The following UTRN variants were observed in gnomAD, a reference collection of about 807,000 sequenced individuals.
UTRN encodes the protein dystrophin-related protein 1.
Under a neutral mutation model 463.9 loss-of-function variants are expected in UTRN, and 283 were observed. The observed-to-expected ratio is 0.61, with a 90% CI of 0.55 to 0.67. The LOEUF is 0.67. Among genes scored for constraint, UTRN ranks in the 30% least tolerant of loss-of-function variants. UTRN has a pLI of 0.00. For missense variants in UTRN, 3,922 were observed against 4,084.3 expected, an observed-to-expected ratio of 0.96 and a Z score of 1.08; for synonymous variants, 1,442 against 1,431.5, an observed-to-expected ratio of 1.01 and a Z score of -0.17.
chr6:144,336,023 C>T (rs947124665), intron 2 of UTRN, among the ~76,000 whole-genome samples: 6 of 152,050 alleles, frequency 3.9e-5, no homozygotes, highest in Non-Finnish European at 7.4e-5. Flanking sequence ...TGTGTGGTAC[C>T]AGCTGCGGCA....
intron 2 of UTRN, among the ~76,000 whole-genome samples, chr6:144,333,692 A>T (rs1456753921): frequency 6.6e-6 from 1 of 152,032 alleles, no homozygotes; most frequent in East Asian, 1.9e-4. Context: ...CCAGGGGTGG[A>T]CGGTTTGCAT....
At chr6:144,690,422 C>A (rs1175058362) in intron 52 of UTRN, among the ~76,000 whole-genome samples, 4 of 152,034 alleles carry the variant, frequency 2.6e-5, no homozygotes, top group Non-Finnish European at 5.9e-5. Context: ...TAGCAAAGTT[C>A]CAGCCAGTCT....
chr6:144,499,229 A>G, intron 33 of UTRN, 28 bp from the exon 34 acceptor site: 2 of 1,596,314 alleles, frequency 1.3e-6, no homozygotes, highest in East Asian at 4.5e-5. Context: ...TCTCAGTCTC[A>G]GTCTCTCCCT....
At chr6:144,508,481 G>A (rs1265638644) in intron 34 of UTRN, among the ~76,000 whole-genome samples, 1 of 152,142 alleles carries the variant, frequency 6.6e-6, no homozygotes, top group Non-Finnish European at 1.5e-5. Context: ...AGTCCCTCAT[G>A]GCTTCCCTTG....
chr6:144,291,798 A>G lies in UTRN; in HGVS notation c.-31A>G. On this transcript the variant is annotated 5_prime_UTR_variant, in exon 2 of 75. Transcript: ENST00000367545. Reference sequence around the variant, plus strand: ...AAGCCTTAGAAAGAGGACTTGGTAAAGTTTTTGGATTATCTTGAAACTCTG... The same window carrying G: ...AAGCCTTAGAAAGAGGACTTGGTAAGGTTTTTGGATTATCTTGAAACTCTG... 2.5e-6 allele frequency: 4 copies of G among 1,603,084 alleles called. No individual in the cohort carries two copies. Among genetic ancestry groups the G allele is most frequent in the Non-Finnish European group, 3.4e-6 (4 of 1,175,698 alleles).
At chr6:144,450,213 G>A (rs1463361791) in intron 17 of UTRN, among the ~76,000 whole-genome samples, 1 of 152,138 alleles carries the variant, frequency 6.6e-6, no homozygotes, top group Admixed American at 6.5e-5. Context: ...AATCATGTCA[G>A]TTCCATGCAT....
In UTRN at chr6:144,797,868, G is replaced by C. The variant is rs1160039916; in HGVS notation, c.9123G>C (p.Trp3041Cys). 6.2e-7 allele frequency: 1 copy of C among 1,613,974 alleles called. No homozygotes were observed. The highest frequency in any genetic ancestry group is 1.7e-5 in the Admixed American group (1 of 60,006). Residue 3041 changes from tryptophan (W) to cysteine (C), a missense_variant, in exon 64 of 75, where the codon TGG (tryptophan) becomes TGC (cysteine). Physicochemically the swap from Trp to Cys is radical, Grantham distance 215. Transcript: ENST00000367545. ...TAAGTGTGAAAGAGTTTATAGATTG[G>C]ATGCATTTGGAACCACAGTCCATGG... ...PEISVKEFID[W>C]MHLEPQSMVW...
intron 2 of UTRN, among the ~76,000 whole-genome samples, chr6:144,333,589 G>A (rs1584318403): frequency 1.3e-5 from 2 of 152,336 alleles, no homozygotes; most frequent in African/African-American, 4.8e-5. Context: ...TTGCTTAAAT[G>A]ATTGTGATTG....
chr6:144,578,115 A>T (rs1801618033), intron 51 of UTRN, among the ~76,000 whole-genome samples: 1 of 152,078 alleles, frequency 6.6e-6, no homozygotes, highest in South Asian at 2.1e-4. Flanking sequence ...AAGCATGAGA[A>T]TTACTTGAAC....
At position 144,851,321 on chromosome 6, in the gene UTRN, CT is replaced by C. The variant is rs1782468065; in HGVS notation, c.*327del. The C allele has an allele frequency of 6.8e-6, 2 of 294,086 alleles. No individual in the cohort carries two copies. Among genetic ancestry groups the C allele is most frequent in the Non-Finnish European group, 1.3e-5 (2 of 157,690 alleles). The allele number at this position is 294,086 out of a possible 1,614,324, so 18.2% of individuals were successfully genotyped here. ...ACAGCATTGGGAAAGTGGGTGGGGG[CT>C]TTCTAATATGATACCGTCTTTTTAA... is the stretch of plus-strand genomic sequence containing the variant. On this transcript the variant is annotated 3_prime_UTR_variant, in exon 75 of 75. Transcript: ENST00000367545.
chr6:144,601,163 C>T (rs149889371), intron 51 of UTRN, among the ~76,000 whole-genome samples: 2 of 152,266 alleles, frequency 1.3e-5, no homozygotes, highest in Non-Finnish European at 2.9e-5. Context: ...ATTTTCATGC[C>T]TACTAACTCA....
chr6:144,538,953 A>G (rs1186304771), intron 44 of UTRN, among the ~76,000 whole-genome samples: 1 of 152,182 alleles, frequency 6.6e-6, no homozygotes, highest in African/African-American at 2.4e-5. Context: ...GGAGAGTTAG[A>G]AAAGGTGGAA....
At chr6:144,610,328 G>T (rs1805359214) in intron 51 of UTRN, among the ~76,000 whole-genome samples, 1 of 151,968 alleles carries the variant, frequency 6.6e-6, no homozygotes, top group Admixed American at 6.6e-5. Context: ...TAGAAGAAAT[G>T]AATAAATTTC....
chr6:144,760,613 A>G (rs2128727481), intron 58 of UTRN, among the ~76,000 whole-genome samples: 4 of 152,328 alleles, frequency 2.6e-5, no homozygotes, highest in Admixed American at 2.6e-4. Flanking sequence ...AAAAGCCAGT[A>G]TTTATGTGTG....
chr6:144,638,282 C>T (rs1398430179), intron 51 of UTRN, among the ~76,000 whole-genome samples: 1 of 152,190 alleles, frequency 6.6e-6, no homozygotes, highest in Non-Finnish European at 1.5e-5. Flanking sequence ...AAGATAAGCT[C>T]TTGAGCATCT....
chr6:144,319,753 C>T (rs1342377232), intron 2 of UTRN, among the ~76,000 whole-genome samples: 4 of 151,868 alleles, frequency 2.6e-5, no homozygotes, highest in Non-Finnish European at 4.4e-5. Flanking sequence ...CTTTTTGTAG[C>T]GACAGGCTGG....
rs72999718 is a variant in UTRN at position 144,480,998 on chromosome 6, A to G, written c.3507+1016A>G. 2.3e-3 allele frequency among the ~76,000 whole-genome samples: 357 copies of G among 152,338 alleles called. 1 individual carries two copies. The highest frequency in any genetic ancestry group is 5.1e-3 in the Admixed American group (78 of 15,302). On this transcript the variant is annotated intron_variant, in intron 26 of 74. Coordinates refer to ENST00000367545, the MANE Select transcript of UTRN (RefSeq NM_007124.3). ...TACTCAGTACATAAGGTATTTTAAA[A>G]TAGGCTACCATGTTAAGAATTGTCT...
chr6:144,406,421 G>A (rs1284674539), intron 3 of UTRN, among the ~76,000 whole-genome samples: 1 of 143,698 alleles, frequency 7.0e-6, no homozygotes, highest in Non-Finnish European at 1.5e-5. Flanking sequence ...GTGCAGTGGT[G>A]CAATCTTGGC....
chr6:144,343,772 G>A (rs1777332179), intron 2 of UTRN, among the ~76,000 whole-genome samples: 1 of 152,058 alleles, frequency 6.6e-6, no homozygotes, highest in African/African-American at 2.4e-5. Context: ...ATTCTTTGAA[G>A]TATAGTTAAT....
Sources: gnomAD v4.1 joint callset for allele counts (sites outside exome capture counted in the v4.1 genomes callset) on GRCh38, gnomAD v4.1.1 for gene constraint, MANE v1.5 for transcripts, NCBI Gene and HGNC (gene_info 2026-07-23, HGNC 2026-07-21) for gene names.